Variants in CNTNAP2 observed in about 807,000 individuals in gnomAD.
The protein encoded by CNTNAP2 is contactin associated protein 2.
Under a neutral mutation model 155.2 loss-of-function variants are expected in CNTNAP2, and 98 were observed. The ratio of observed to expected loss-of-function variants is 0.63; its 90% CI spans 0.54 to 0.75. The LOEUF (loss-of-function observed/expected upper bound fraction) is 0.75, where lower values mean the gene tolerates loss of function less well. CNTNAP2 is among the 30% of genes least tolerant of loss of function. The pLI, the probability that CNTNAP2 is intolerant of heterozygous loss-of-function variation, is 0.00. For missense variants in CNTNAP2, 1,727 were observed against 1,688.1 expected (o/e 1.02, Z -0.40); for synonymous variants, 651 against 631.2 (o/e 1.03, Z -0.47).
At chr7:146,768,011 C>G (rs970994711) in intron 1 of CNTNAP2, among the ~76,000 whole-genome samples, 2 of 152,104 alleles carry the variant, frequency 1.3e-5, no homozygotes, top group East Asian at 3.9e-4. Context: ...TCAACTATGT[C>G]TAAAAATTAT....
chr7:146,450,949 A>G (rs1415321789), intron 1 of CNTNAP2, among the ~76,000 whole-genome samples: 2 of 151,540 alleles, frequency 1.3e-5, no homozygotes, highest in African/African-American at 4.9e-5. Flanking sequence ...TTATTTATTT[A>G]TTTATTTATT....
chr7:148,250,063 G>A (rs770315593), intron 20 of CNTNAP2, among the ~76,000 whole-genome samples: 3 of 152,192 alleles, frequency 2.0e-5, no homozygotes, highest in South Asian at 2.1e-4. Context: ...AACTAGCCCC[G>A]TGACCCTCCC....
chr7:146,692,591 G>T (rs544766234), intron 1 of CNTNAP2, among the ~76,000 whole-genome samples: 1 of 152,262 alleles, frequency 6.6e-6, no homozygotes, highest in South Asian at 2.1e-4. Flanking sequence ...AATTAAAATA[G>T]ATAAAGAGTT....
At chr7:147,765,526 A>C (rs998768969) in intron 13 of CNTNAP2, among the ~76,000 whole-genome samples, 2 of 152,332 alleles carry the variant, frequency 1.3e-5, no homozygotes, top group Admixed American at 6.5e-5. Flanking sequence ...TGAAAACCAC[A>C]GTGATATACC....
intron 3 of CNTNAP2, among the ~76,000 whole-genome samples, chr7:146,923,011 G>T (rs561655481): frequency 6.6e-6 from 1 of 152,168 alleles, no homozygotes; most frequent in South Asian, 2.1e-4. Context: ...TTTTAAGACA[G>T]CATAGCTGAT....
At chr7:147,707,149 C>T (rs1796328058) in intron 13 of CNTNAP2, among the ~76,000 whole-genome samples, 1 of 152,098 alleles carries the variant, frequency 6.6e-6, no homozygotes, top group African/African-American at 2.4e-5. Flanking sequence ...GAATATATTG[C>T]CAGAAAATTC....
At chr7:146,749,289 T>C (rs570550218) in intron 1 of CNTNAP2, among the ~76,000 whole-genome samples, 47 of 152,308 alleles carry the variant, frequency 3.1e-4, no homozygotes, top group African/African-American at 1.1e-3. Flanking sequence ...ACAGCAGTTT[T>C]CTAAAGTAAA....
At chr7:146,233,626 C>A (rs902960537) in intron 1 of CNTNAP2, among the ~76,000 whole-genome samples, 4 of 152,122 alleles carry the variant, frequency 2.6e-5, no homozygotes, top group African/African-American at 9.7e-5. Context: ...TCCCCCCACA[C>A]CACAACAGTC....
chr7:147,857,367 AT>A (rs1420498960), intron 13 of CNTNAP2, among the ~76,000 whole-genome samples: 1 of 152,192 alleles, frequency 6.6e-6, no homozygotes, highest in Non-Finnish European at 1.5e-5. Context: ...CTCCAAGGCT[AT>A]TTGAGCATCT....
chr7:146,626,386 G>T (rs1285798283), intron 1 of CNTNAP2, among the ~76,000 whole-genome samples: 1 of 151,964 alleles, frequency 6.6e-6, no homozygotes, highest in Non-Finnish European at 1.5e-5. Flanking sequence ...TGATTTATGG[G>T]TACCTATAAA....
chr7:147,014,242 A>T (rs1266046301), intron 3 of CNTNAP2, among the ~76,000 whole-genome samples: 20 of 149,058 alleles, frequency 1.3e-4, no homozygotes, highest in African/African-American at 4.7e-4. Context: ...AATATAACAT[A>T]AAAAACCCTG....
At chr7:147,544,761 C>T (rs1372289297) in intron 11 of CNTNAP2, among the ~76,000 whole-genome samples, 1 of 151,958 alleles carries the variant, frequency 6.6e-6, no homozygotes, top group African/African-American at 2.4e-5. Flanking sequence ...GGGCAGTTCC[C>T]CCATACTGTT....
At chr7:148,189,740 T>C (rs1321490261) in intron 18 of CNTNAP2, 2 of 152,230 alleles carry the variant, frequency 1.3e-5, no homozygotes, top group African/African-American at 4.8e-5. Flanking sequence ...CAGGCTGCTA[T>C]AGCGGACTGC....
At chr7:147,249,625 A>AAAAAAAAC (rs60887099) in intron 8 of CNTNAP2, among the ~76,000 whole-genome samples, 1 of 148,842 alleles carries the variant, frequency 6.7e-6, no homozygotes, top group Non-Finnish European at 1.5e-5. Flanking sequence ...AAAAAAAAAA[A>AAAAAAAAC]GGTTTCAGCA....
chr7:148,087,262 G>A (rs1803752292), intron 15 of CNTNAP2, among the ~76,000 whole-genome samples: 1 of 152,050 alleles, frequency 6.6e-6, no homozygotes, highest in Non-Finnish European at 1.5e-5. Flanking sequence ...AGTTTTAAGG[G>A]AAACTTGACT....
chr7:146,366,966 A>G (rs905272212), intron 1 of CNTNAP2, among the ~76,000 whole-genome samples: 10 of 152,298 alleles, frequency 6.6e-5, no homozygotes, highest in Middle Eastern at 3.4e-3. Context: ...TTTCTCAATC[A>G]TATCTTTCCT....
intron 10 of CNTNAP2, among the ~76,000 whole-genome samples, chr7:147,469,217 T>G (rs1451454834): frequency 6.6e-6 from 1 of 152,108 alleles, no homozygotes; most frequent in Non-Finnish European, 1.5e-5. Flanking sequence ...CACAAAACCC[T>G]CAAGCCAGCC....
intron 1 of CNTNAP2, among the ~76,000 whole-genome samples, chr7:146,394,052 A>G (rs1795584886): frequency 6.6e-6 from 1 of 152,112 alleles, no homozygotes; most frequent in East Asian, 1.9e-4. Context: ...CTTTATCCAA[A>G]GGAGTTGATA....
chr7:146,826,805 T>G (rs1314716664), intron 2 of CNTNAP2, among the ~76,000 whole-genome samples: 3 of 147,048 alleles, frequency 2.0e-5, no homozygotes, highest in Non-Finnish European at 4.5e-5. Context: ...ATGTAAACAA[T>G]CAAATAATTT....
Sources: allele counts gnomAD v4.1 joint callset (sites outside exome capture counted in the v4.1 genomes callset), GRCh38; gene constraint gnomAD v4.1.1; transcripts MANE v1.5; gene names NCBI Gene and HGNC (gene_info 2026-07-23, HGNC 2026-07-21).